Variants in ITGA6 observed in about 807,000 individuals in gnomAD.
The protein encoded by ITGA6 is integrin alpha-6.
Under a neutral mutation model 133.6 loss-of-function variants are expected in ITGA6, and 63 were observed. That is an observed-to-expected ratio of 0.47 (90% CI 0.38 to 0.58). ITGA6 has a LOEUF of 0.58. ITGA6 is among the 20% of genes least tolerant of loss of function. The probability of loss-of-function intolerance (pLI) is 0.00; values close to 1 mark genes in which losing one functional copy is unlikely to be tolerated. For synonymous variants in ITGA6, 434 were observed against 482.0 expected, an observed-to-expected ratio of 0.90 and a Z score of 1.30; for missense variants, 1,068 against 1,309.4, an observed-to-expected ratio of 0.82 and a Z score of 2.85.
At chr2:172,461,490 C>G (rs542920455) in intron 1 of ITGA6, among the ~76,000 whole-genome samples, 3 of 152,184 alleles carry the variant, frequency 2.0e-5, no homozygotes, top group Non-Finnish European at 2.9e-5. Flanking sequence ...ATTTCTATCA[C>G]CTCCCTACAA....
At chr2:172,433,782 T>G (rs1327143279) in intron 1 of ITGA6, among the ~76,000 whole-genome samples, 2 of 152,198 alleles carry the variant, frequency 1.3e-5, no homozygotes, top group Non-Finnish European at 2.9e-5. Flanking sequence ...AGTTGAAAAG[T>G]GCATCTCAGA....
Position 172,504,225 on chromosome 2 carries a change from G to A in ITGA6, c.*157G>A. ...TTGAAAAAAAACAGTGGATCACAAA[G>A]TGGAACGAAAATGAAAGCTACTCAT... On this transcript the variant is annotated 3_prime_UTR_variant, in exon 26 of 26. Coordinates refer to ENST00000684293, the MANE Select transcript of ITGA6 (RefSeq NM_000210.4). 1 of 1,577,954 alleles carries A rather than the reference G, an allele frequency of 6.3e-7. No homozygotes were observed. Among genetic ancestry groups the A allele is most frequent in the Non-Finnish European group, 8.6e-7 (1 of 1,160,964 alleles).
intron 11 of ITGA6, among the ~76,000 whole-genome samples, chr2:172,483,632 AT>A (rs200163976): frequency 0.011 from 1,651 of 152,228 alleles, 35 homozygotes; most frequent in African/African-American, 0.037. Flanking sequence ...AAAAAATGAG[AT>A]TCTGATCATC....
At chr2:172,427,476 G>T, upstream of ITGA6, 1 of 1,079,164 alleles carries the variant, frequency 9.3e-7, no homozygotes, top group Admixed American at 5.5e-5. Context: ...GGCGGGTAAG[G>T]TGCGGGCGGT....
chr2:172,430,330 C>T (rs1001045560), intron 1 of ITGA6, among the ~76,000 whole-genome samples: 9 of 152,196 alleles, frequency 5.9e-5, no homozygotes, highest in African/African-American at 1.9e-4. Flanking sequence ...CTTAAACATT[C>T]TGTGATTCTA....
In ITGA6 at chr2:172,447,525, G is replaced by T. The variant is rs1259833818; in HGVS notation, c.183-18014G>T. Among the ~76,000 whole-genome samples, 4 of 152,160 alleles carry T rather than the reference G, an allele frequency of 2.6e-5. No individual in the cohort carries two copies. In the South Asian group the frequency reaches 8.3e-4, roughly 32 times the overall value. Reference sequence around the variant, plus strand: ...CAGCCCCAATTTTATTTTAAAATGAGCTAGTTATATATTTATTTCTGTACT... The same window carrying T: ...CAGCCCCAATTTTATTTTAAAATGATCTAGTTATATATTTATTTCTGTACT... On this transcript the variant is annotated intron_variant, in intron 1 of 25. Transcript: ENST00000684293.
rs542666505 is a variant in ITGA6, at chr2:172,456,437, C to T, written c.183-9102C>T. On this transcript the variant is annotated intron_variant, in intron 1 of 25. Coordinates refer to ENST00000684293, the MANE Select transcript of ITGA6 (RefSeq NM_000210.4). ...CAGGTTTCTTTGCCAGCTTTCTATC[C>T]GAGCCTGGGGTGACCATATCATTCA... Among the ~76,000 whole-genome samples the T allele has an allele frequency of 2.0e-3, 300 of 152,314 alleles. 1 individual carries two copies. Among genetic ancestry groups the T allele is most frequent in the South Asian group, 8.5e-3 (41 of 4,828 alleles).
intron 1 of ITGA6, among the ~76,000 whole-genome samples, chr2:172,441,641 G>A (rs1284436031): frequency 6.9e-6 from 1 of 144,618 alleles, no homozygotes; most frequent in African/African-American, 2.6e-5. Flanking sequence ...CTGTGAACGA[G>A]AGTAGACACA....
chr2:172,484,114 T>C (rs971037705), intron 11 of ITGA6, among the ~76,000 whole-genome samples: 1 of 152,146 alleles, frequency 6.6e-6, no homozygotes, highest in Non-Finnish European at 1.5e-5. Context: ...CCCATCCTCT[T>C]TTTTATTTGT....
intron 1 of ITGA6, 197 bp from the exon 2 acceptor site, chr2:172,465,342 C>G: frequency 3.0e-6 from 2 of 662,502 alleles, no homozygotes; most frequent in Non-Finnish European, 5.4e-6. Flanking sequence ...TTTGGCTTCC[C>G]CTGTTTAGTT....
At chr2:172,486,361 ATACTTTTATG>A (rs1337203246) in intron 13 of ITGA6, among the ~76,000 whole-genome samples, 5 of 152,022 alleles carry the variant, frequency 3.3e-5, no homozygotes, top group Admixed American at 1.3e-4. Context: ...ATATTTCTGT[ATACTTTTATG>A]TACTTTTATT....
chr2:172,465,353 G>C (rs543639867), intron 1 of ITGA6, 186 bp from the exon 2 acceptor site: 7 of 698,492 alleles, frequency 1.0e-5, no homozygotes, highest in Non-Finnish European at 1.8e-5. Context: ...CTGTTTAGTT[G>C]TGTTTGTGCG....
chr2:172,491,195 A>T lies in ITGA6; in HGVS notation c.2779-26A>T, dbSNP rs753698278. On this transcript the variant is annotated intron_variant, in intron 21 of 25. Transcript: ENST00000684293. This position sits in a 1 kb window ranked among gnomAD's most constrained non-coding sequence, Gnocchi z 4.4. The stretch of plus-strand genomic sequence containing the variant: ...GATTTCTTCAGAACAATGTCTTTTG[A>T]TGACCATTCTTCTTTTTCTCTCTAG... 6.6e-6 allele frequency: 10 copies of T among 1,504,344 alleles called. No individual in the cohort carries two copies. 93.2% of individuals were successfully genotyped at this position (1,504,344 alleles called of 1,614,324 possible). A position where few individuals can be genotyped will look rare whatever the true frequency, so the allele number is the denominator to read the frequency against.
chr2:172,479,856 AG>A, intron 10 of ITGA6, 117 bp downstream of exon 10: 1 of 1,110,798 alleles, frequency 9.0e-7, no homozygotes, highest in Non-Finnish European at 1.4e-6. Context: ...CAAAGGGAAG[AG>A]GGTCTGTCAA....
In ITGA6 at chr2:172,485,178, G is replaced by A. The variant is rs1053042412; in HGVS notation, c.1768G>A (p.Glu590Lys). ...IPITASVEIQ[E>K]PSSRRRVNSL... ...CATAACTGCCTCAGTGGAGATCCAA[G>A]AGCCAAGCTCTCGTAGGCGAGTGAA... The change falls in exon 13 of 26, where the codon GAG becomes AAG. Residue 590 changes from glutamate (E) to lysine (K), a missense_variant. Glu to Lys is a moderately conservative substitution (Grantham distance 56). Around this residue, in one of 3 missense-constraint regions of ITGA6, gnomAD observed 609 missense variants for 707.2 expected, o/e 0.86. Transcript: ENST00000684293. 5.0e-6 allele frequency: 8 copies of A among 1,613,852 alleles called. No homozygotes were observed. The highest frequency in any genetic ancestry group is 6.8e-6 in the Non-Finnish European group (8 of 1,179,730).
chr2:172,457,748 C>T (rs577591480), intron 1 of ITGA6, among the ~76,000 whole-genome samples: 60 of 152,240 alleles, frequency 3.9e-4, no homozygotes, highest in African/African-American at 1.4e-3. Flanking sequence ...AGGCATCCCC[C>T]TTCAAACTGG....
In ITGA6 at chr2:172,433,617, G is replaced by A. The variant is rs532035681; in HGVS notation, c.182+5647G>A. On this transcript the variant is annotated intron_variant, in intron 1 of 25. Coordinates refer to ENST00000684293, the MANE Select transcript of ITGA6 (RefSeq NM_000210.4). ...AAACCAAGGCTGTAAGAGGTGCAGTGGTGGCGGCATGTCTAGCAAACTTGG... is the reference window on the plus strand; with the variant it reads ...AAACCAAGGCTGTAAGAGGTGCAGTAGTGGCGGCATGTCTAGCAAACTTGG... Among the ~76,000 whole-genome samples the A allele has an allele frequency of 2.6e-5, 4 of 152,314 alleles. No individual in the cohort carries two copies. In the South Asian group the frequency reaches 6.2e-4, roughly 24 times the overall value.
At position 172,469,380 on chromosome 2, in the gene ITGA6, G is replaced by T. The variant is rs762004665; in HGVS notation, c.643G>T (p.Gly215Trp). 6.2e-7 allele frequency: 1 copy of T among 1,613,270 alleles called. No homozygotes were observed. The highest frequency in any genetic ancestry group is 8.5e-7 in the Non-Finnish European group (1 of 1,179,320). The change falls in exon 4 of 26, where the codon GGG becomes TGG. Residue 215 changes from glycine (G) to tryptophan (W), a missense_variant and splice_region_variant. By Grantham distance (184) the Gly-to-Trp change is radical. Around this residue, in one of 3 missense-constraint regions of ITGA6, gnomAD observed 317 missense variants for 456.9 expected, o/e 0.69. Transcript: ENST00000684293. ...FGAPGTYNWK[G>W]IVRVEQKNNT... ...AGCCCCGGGTACTTATAACTGGAAA[G>T]GTATGACCTTTGTATTTATAGAAAT...
chr2:172,468,810 G>C (rs748949302), intron 3 of ITGA6, among the ~76,000 whole-genome samples: 12 of 152,110 alleles, frequency 7.9e-5, no homozygotes, highest in Non-Finnish European at 1.8e-4. Flanking sequence ...ATGAAATAAG[G>C]TGTTTCTCTT....
Sources: gnomAD v4.1 joint callset for allele counts (sites outside exome capture counted in the v4.1 genomes callset) on GRCh38, gnomAD v4.1.1 for gene constraint, gnomAD v4.1.1 regional missense constraint, Gnocchi (gnomAD v3.1) non-coding constraint, MANE v1.5 for transcripts, NCBI Gene and HGNC (gene_info 2026-07-23, HGNC 2026-07-21) for gene names.